The following FANK1 variants were observed in gnomAD, a reference collection of about 807,000 sequenced individuals.
FANK1 encodes fibronectin type 3 and ankyrin repeat domains protein 1.
A neutral mutation model predicts 45.3 loss-of-function variants in FANK1; 44 were observed. The ratio of observed to expected loss-of-function variants is 0.97; its 90% confidence interval spans 0.76 to 1.25. The LOEUF (loss-of-function observed/expected upper bound fraction) is 1.25, where lower values mean the gene tolerates loss of function less well. Ranked by LOEUF, FANK1 falls within the 50% of genes most tolerant of loss-of-function variation. FANK1 has a pLI of 0.00. For synonymous variants in FANK1, 149 were observed against 152.5 expected (o/e 0.98, Z 0.17); for missense variants, 391 against 424.4 (o/e 0.92, Z 0.69).
At chr10:125,995,903 G>A (rs890344742) in intron 4 of FANK1, among the ~76,000 whole-genome samples, 1 of 152,194 alleles carries the variant, frequency 6.6e-6, no homozygotes, top group Non-Finnish European at 1.5e-5. Context: ...CACTAGAGGG[G>A]AAATGGTGAA....
chr10:125,929,716 C>T (rs1030062798), intron 1 of FANK1, among the ~76,000 whole-genome samples: 2 of 152,016 alleles, frequency 1.3e-5, no homozygotes, highest in African/African-American at 2.4e-5. Flanking sequence ...TTGGACAAAA[C>T]GCACAAAGCA....
chr10:126,001,305 A>G (rs1190455248), intron 6 of FANK1, among the ~76,000 whole-genome samples: 1 of 152,238 alleles, frequency 6.6e-6, no homozygotes, highest in Non-Finnish European at 1.5e-5. Flanking sequence ...AATATTTAGT[A>G]TGCCAATGCT....
chr10:125,942,458 G>A (rs1948510365), intron 1 of FANK1, among the ~76,000 whole-genome samples: 1 of 152,132 alleles, frequency 6.6e-6, no homozygotes, highest in Admixed American at 6.5e-5. Flanking sequence ...CAATTTTAGA[G>A]TTTTTTCCCC....
chr10:125,956,202 T>TGGGGG (rs71486556), intron 1 of FANK1, among the ~76,000 whole-genome samples: 4 of 72,352 alleles, frequency 5.5e-5, no homozygotes, highest in East Asian at 4.6e-4. Context: ...ATACATTTTT[T>TGGGGG]GGGGGGGGGG....
At chr10:126,002,842 G>A (rs1241455529) in intron 6 of FANK1, among the ~76,000 whole-genome samples, 2 of 137,326 alleles carry the variant, frequency 1.5e-5, no homozygotes, top group African/African-American at 2.7e-5. Flanking sequence ...CCCTCAATAC[G>A]TCAGAAAATG....
chr10:125,918,347 A>G (rs1946627478), intron 1 of FANK1, among the ~76,000 whole-genome samples: 5 of 151,974 alleles, frequency 3.3e-5, no homozygotes, highest in Admixed American at 3.3e-4. Context: ...CACGAGGTCA[A>G]GAGATCAAGA....
chr10:125,945,877 G>T (rs1432460104), intron 1 of FANK1, among the ~76,000 whole-genome samples: 2 of 152,184 alleles, frequency 1.3e-5, no homozygotes, highest in African/African-American at 4.8e-5. Flanking sequence ...GAGAGCAGTG[G>T]TTCTCCCAGC....
intron 1 of FANK1, among the ~76,000 whole-genome samples, chr10:125,963,948 T>G (rs1950068551): frequency 6.6e-6 from 1 of 152,106 alleles, no homozygotes; most frequent in Non-Finnish European, 1.5e-5. Flanking sequence ...GGATACCTAT[T>G]TAGTTGGGAG....
rs1320596486 is a variant in FANK1, at chr10:126,009,380, TCTC to T, written c.983_985del (p.Ser328del). 2 of 1,613,750 alleles carry T rather than the reference TCTC, an allele frequency of 1.2e-6. No homozygotes were observed. The highest frequency in any genetic ancestry group is 1.7e-6 in the Non-Finnish European group (2 of 1,179,986). On this transcript the variant is annotated inframe_deletion, in exon 11 of 11. Coordinates refer to ENST00000368693, the MANE Select transcript of FANK1 (RefSeq NM_145235.5). ...TCTGTTTTGTTTATCTAGAGTGTAG[TCTC>T]CTTATTAGAAGAAAGGAAAAAAAAG...
At chr10:125,988,491 A>T (rs1590183663) in intron 2 of FANK1, 60 bp from the exon 3 acceptor site, 1 of 1,585,296 alleles carries the variant, frequency 6.3e-7, no homozygotes, top group East Asian at 2.2e-5. Flanking sequence ...CTGCTGTCTT[A>T]TCAGAGAGTG....
chr10:126,000,555 G>A (rs1208242655), intron 6 of FANK1, among the ~76,000 whole-genome samples: 4 of 152,006 alleles, frequency 2.6e-5, no homozygotes, highest in African/African-American at 4.8e-5. Context: ...GTCTTATAGC[G>A]TGTACCAAAA....
intron 6 of FANK1, 86 bp downstream of exon 6, chr10:125,997,571 C>G: frequency 8.0e-7 from 1 of 1,249,334 alleles, no homozygotes; most frequent in Non-Finnish European, 1.1e-6. Flanking sequence ...GTGATTTCAC[C>G]AAAACATTGT....
At chr10:125,920,526 T>G (rs985613875) in intron 1 of FANK1, among the ~76,000 whole-genome samples, 11 of 152,246 alleles carry the variant, frequency 7.2e-5, no homozygotes, top group Non-Finnish European at 1.6e-4. Context: ...GTGCAAGTGA[T>G]TGTTTTTGGC....
rs73370516 is a variant in FANK1, at chr10:125,982,375, G to A, written c.191+2037G>A. Among the ~76,000 whole-genome samples the A allele has an allele frequency of 4.9e-3, 743 of 152,332 alleles. 7 individuals are homozygous for A. The highest frequency in any genetic ancestry group is 0.016 in the African/African-American group (677 of 41,580). On this transcript the variant is annotated intron_variant, in intron 2 of 10. Coordinates refer to ENST00000368693, the MANE Select transcript of FANK1 (RefSeq NM_145235.5). ...CAGAGACCTGGTTGCTGTCAGGCTG[G>A]AGAACGCACTCTCACTCTGACGACA...
chr10:125,909,527 T>C (rs1175656964), intron 1 of FANK1, among the ~76,000 whole-genome samples: 1 of 151,666 alleles, frequency 6.6e-6, no homozygotes, highest in African/African-American at 2.4e-5. Context: ...TTCTTTTTTT[T>C]TTTTTGAGAC....
chr10:126,000,083 TA>T (rs532687173), intron 6 of FANK1, among the ~76,000 whole-genome samples: 4 of 151,950 alleles, frequency 2.6e-5, no homozygotes, highest in Admixed American at 6.6e-5. Context: ...AAATCTGAAT[TA>T]AAAAAAACCC....
At chr10:125,925,563 A>C (rs907818486) in intron 1 of FANK1, among the ~76,000 whole-genome samples, 6 of 152,004 alleles carry the variant, frequency 3.9e-5, no homozygotes, top group Non-Finnish European at 8.8e-5. Context: ...CCGCCAAATA[A>C]TTGTTTTTAT....
chr10:125,936,043 A>G (rs1393013936), intron 1 of FANK1, among the ~76,000 whole-genome samples: 1 of 152,230 alleles, frequency 6.6e-6, no homozygotes, highest in Non-Finnish European at 1.5e-5. Flanking sequence ...AAAGCATGGT[A>G]CATATTGCTG....
chr10:125,936,195 C>G (rs1160635599), intron 1 of FANK1, among the ~76,000 whole-genome samples: 1 of 152,166 alleles, frequency 6.6e-6, no homozygotes, highest in Non-Finnish European at 1.5e-5. Context: ...GACCTAATAG[C>G]TTGACACTTT....
Sources: allele counts gnomAD v4.1 joint callset (sites outside exome capture counted in the v4.1 genomes callset), GRCh38; gene constraint gnomAD v4.1.1; transcripts MANE v1.5; gene names NCBI Gene and HGNC (gene_info 2026-07-23, HGNC 2026-07-21).